SNX9: variants seen among roughly 807,000 people sequenced by gnomAD.
The protein encoded by SNX9 is sorting nexin 9.
SNX9 carries 44 observed loss-of-function variants against 89.4 expected under a neutral mutation model. The ratio of observed to expected loss-of-function variants is 0.49; its 90% CI spans 0.39 to 0.63. The LOEUF is 0.63. Ranked by LOEUF, SNX9 falls within the 30% of genes least tolerant of loss-of-function variation. The pLI is 0.00. For synonymous variants in SNX9, 236 were observed against 247.8 expected (o/e 0.95, Z 0.45); for missense variants, 578 against 736.1 (o/e 0.79, Z 2.49).
chr6:157,878,823 A>T (rs1415692874), intron 4 of SNX9, among the ~76,000 whole-genome samples: 2 of 152,248 alleles, frequency 1.3e-5, no homozygotes, highest in African/African-American at 4.8e-5. Flanking sequence ...CTTATGACGG[A>T]TACAGGCTAA....
At chr6:157,915,640 A>AAAAATATATATATATAT (rs1472422303) in intron 9 of SNX9, among the ~76,000 whole-genome samples, 24 of 95,124 alleles carry the variant, frequency 2.5e-4, no homozygotes, top group African/African-American at 7.4e-4. Context: ...AAAAAAAAAA[A>AAAAATATATATATATAT]ATATATATAT....
At chr6:157,898,008 T>C (rs1783016066) in intron 5 of SNX9, among the ~76,000 whole-genome samples, 1 of 152,200 alleles carries the variant, frequency 6.6e-6, no homozygotes, top group African/African-American at 2.4e-5. Context: ...AGGAGATCTG[T>C]GTCAGGAGCC....
intron 11 of SNX9, 39 bp downstream of exon 11, chr6:157,927,253 C>A: frequency 7.0e-7 from 1 of 1,420,750 alleles, no homozygotes. Context: ...TCTCAATCCG[C>A]ACCCTCCTCC....
chr6:157,839,968 A>G (rs1461823087), intron 1 of SNX9, among the ~76,000 whole-genome samples: 1 of 152,152 alleles, frequency 6.6e-6, no homozygotes, highest in Non-Finnish European at 1.5e-5. Context: ...CGGTTGTTTC[A>G]TGGTTTCACT....
chr6:157,896,970 C>CCAA lies in SNX9; in HGVS notation c.444_445insCAA (p.Phe148_Gly149insGln). 1 of 1,609,846 alleles carries CCAA rather than the reference C, an allele frequency of 6.2e-7. No individual in the cohort carries two copies. The highest frequency in any genetic ancestry group is 1.7e-5 in the Admixed American group (1 of 58,372). ...CTCCCAACAACTGGGACACTGCCTT[C>CCAA]GGCCACCCCCAGGCCTACCAAGGAC... On this transcript the variant is annotated inframe_insertion, in exon 5 of 18. Transcript: ENST00000392185.
chr6:157,847,224 T>A (rs573998812), intron 1 of SNX9, among the ~76,000 whole-genome samples: 2 of 152,226 alleles, frequency 1.3e-5, no homozygotes, highest in African/African-American at 4.8e-5. Context: ...TACCTCAGCC[T>A]CCAAGTTAGC....
At chr6:157,885,505 G>A (rs1782716128) in intron 4 of SNX9, 1 of 152,220 alleles carries the variant, frequency 6.6e-6, no homozygotes. Flanking sequence ...TTGAGGAAAA[G>A]AGTTAAATTT....
chr6:157,850,468 C>G (rs1332883843), intron 1 of SNX9, among the ~76,000 whole-genome samples: 1 of 152,116 alleles, frequency 6.6e-6, no homozygotes, highest in Non-Finnish European at 1.5e-5. Context: ...GGAAGGAGAG[C>G]GTGGCGAAGT....
chr6:157,844,939 A>G (rs1485512479), intron 1 of SNX9, among the ~76,000 whole-genome samples: 1 of 151,922 alleles, frequency 6.6e-6, no homozygotes, highest in Non-Finnish European at 1.5e-5. Flanking sequence ...ATAAATTCCC[A>G]AAGTTCGTTC....
At chr6:157,927,757 T>C (rs538378070) in intron 11 of SNX9, among the ~76,000 whole-genome samples, 46 of 143,796 alleles carry the variant, frequency 3.2e-4, no homozygotes, top group African/African-American at 1.1e-3. Context: ...GACGGAGTCT[T>C]GCTCTGTCAC....
rs932991210 is a variant in SNX9, at chr6:157,944,487, A to G, written c.*1649A>G. 6.6e-6 allele frequency: 1 copy of G among 152,658 alleles called. No individual in the cohort carries two copies. The highest frequency in any genetic ancestry group is 1.5e-5 in the Non-Finnish European group (1 of 68,048). The allele number at this position is 152,658 out of a possible 1,614,324, so 9.5% of individuals were successfully genotyped here. ...CATGTAGAAGCCAACATATAAATAAATTGTTTAAAAAAACTGTACAGTAAA... is the reference window on the plus strand; with the variant it reads ...CATGTAGAAGCCAACATATAAATAAGTTGTTTAAAAAAACTGTACAGTAAA... On this transcript the variant is annotated 3_prime_UTR_variant, in exon 18 of 18. Transcript: ENST00000392185.
chr6:157,938,623 T>C lies in SNX9; in HGVS notation c.1534-10T>C, dbSNP rs1000418347. On this transcript the variant is annotated splice_polypyrimidine_tract_variant and intron_variant, in intron 15 of 17. Transcript: ENST00000392185. ...GCTTTATTCATACTGTTGCATTTTA[T>C]ATTTCACAGGGAGCAATAGAAAAAG... is the stretch of plus-strand genomic sequence containing the variant. 6.3e-7 allele frequency: 1 copy of C among 1,580,014 alleles called. No individual in the cohort carries two copies. Among genetic ancestry groups the C allele is most frequent in the East Asian group, 2.2e-5 (1 of 44,740 alleles).
chr6:157,928,750 G>T (rs934099944), intron 12 of SNX9, 48 bp downstream of exon 12: 4 of 1,427,722 alleles, frequency 2.8e-6, no homozygotes, highest in East Asian at 5.3e-5. Context: ...GGTGATGCAG[G>T]CTCAGTTTTA....
rs1334100067 is a variant in SNX9 at position 157,944,866 on chromosome 6, G to A, written c.*2028G>A. On this transcript the variant is annotated 3_prime_UTR_variant, in exon 18 of 18. Transcript: ENST00000392185. Reference sequence around the variant, plus strand: ...GACTGTGAGGAAAAGCAGAGGGAATGTGAAAGAAAATAAGAGAATCCACGG... The same window carrying A: ...GACTGTGAGGAAAAGCAGAGGGAATATGAAAGAAAATAAGAGAATCCACGG... 1 of 152,190 alleles carries A rather than the reference G, an allele frequency of 6.6e-6. No individual in the cohort carries two copies. 9.4% of individuals were successfully genotyped at this position (152,190 alleles called of 1,614,324 possible).
At chr6:157,880,469 G>A (rs1293817023) in intron 4 of SNX9, among the ~76,000 whole-genome samples, 1 of 151,924 alleles carries the variant, frequency 6.6e-6, no homozygotes, top group Non-Finnish European at 1.5e-5. Context: ...CTAGCTTTTT[G>A]TTGAACAGTT....
intron 9 of SNX9, among the ~76,000 whole-genome samples, chr6:157,920,757 ATAG>A (rs1783567169): frequency 6.6e-6 from 1 of 152,206 alleles, no homozygotes; most frequent in African/African-American, 2.4e-5. Context: ...CTTTCAACTA[ATAG>A]TAGTTTTTGT....
At chr6:157,882,344 T>C (rs928247649) in intron 4 of SNX9, among the ~76,000 whole-genome samples, 2 of 152,238 alleles carry the variant, frequency 1.3e-5, no homozygotes, top group Non-Finnish European at 2.9e-5. Context: ...ATGCCCCTGG[T>C]CACCTAAGAG....
In SNX9 at chr6:157,906,651, C is replaced by T. The variant is rs2115175392; in HGVS notation, c.705+439C>T. Among the ~76,000 whole-genome samples, 2 of 152,092 alleles carry T rather than the reference C, an allele frequency of 1.3e-5. 1 individual carries two copies. Among genetic ancestry groups the T allele is most frequent in the South Asian group, 4.2e-4 (2 of 4,816 alleles). On this transcript the variant is annotated intron_variant, in intron 7 of 17. Transcript: ENST00000392185. ...GGTAATAGTGTTTTTTCCAGTAAAC[C>T]AGCTGTCAAATTGAGATAAGGAGCT...
intron 1 of SNX9, among the ~76,000 whole-genome samples, chr6:157,825,062 A>G (rs985198751): frequency 3.9e-5 from 6 of 152,172 alleles, no homozygotes; most frequent in African/African-American, 1.4e-4. Flanking sequence ...AGCCTGGCCA[A>G]TATGGTGAAA....
Sources: allele counts gnomAD v4.1 joint callset (sites outside exome capture counted in the v4.1 genomes callset), GRCh38; gene constraint gnomAD v4.1.1; transcripts MANE v1.5; gene names NCBI Gene and HGNC (gene_info 2026-07-23, HGNC 2026-07-21).